Variants in SLC39A11 observed in about 807,000 individuals in gnomAD.
SLC39A11 encodes zinc transporter ZIP11.
Under a neutral mutation model 36.1 loss-of-function variants are expected in SLC39A11, and 33 were observed. The ratio of observed to expected loss-of-function variants is 0.91; its 90% CI spans 0.69 to 1.22. The LOEUF (loss-of-function observed/expected upper bound fraction) is 1.22. Ranked by LOEUF, SLC39A11 falls within the 50% of genes most tolerant of loss-of-function variation. SLC39A11 has a pLI of 0.00. For missense variants in SLC39A11, 432 were observed against 430.3 expected, an observed-to-expected ratio of 1.00 and a Z score of -0.03; for synonymous variants, 166 against 170.3, an observed-to-expected ratio of 0.97 and a Z score of 0.20.
intron 6 of SLC39A11, among the ~76,000 whole-genome samples, chr17:72,818,210 T>C (rs2077646483): frequency 1.3e-5 from 2 of 152,192 alleles, no homozygotes; most frequent in Non-Finnish European, 2.9e-5. Context: ...CTGTGTCTTC[T>C]TTTGTCCAGC....
intron 4 of SLC39A11, among the ~76,000 whole-genome samples, chr17:72,967,202 T>C (rs1441669801): frequency 6.6e-6 from 1 of 152,158 alleles, no homozygotes; most frequent in Non-Finnish European, 1.5e-5. Context: ...TGTAATATGC[T>C]TGAATCATCC....
intron 3 of SLC39A11, chr17:73,067,923 A>C: frequency 6.2e-7 from 1 of 1,606,562 alleles, no homozygotes; most frequent in African/African-American, 1.3e-5. Context: ...TCACTGCCAA[A>C]ACACTCAGAG....
chr17:73,033,830 C>T (rs1336659653), intron 3 of SLC39A11, among the ~76,000 whole-genome samples: 3 of 152,162 alleles, frequency 2.0e-5, no homozygotes, highest in African/African-American at 7.2e-5. Context: ...ATTACAACAG[C>T]AACAATAAAG....
chr17:72,964,475 A>G (rs2086824075), intron 4 of SLC39A11, among the ~76,000 whole-genome samples: 1 of 152,258 alleles, frequency 6.6e-6, no homozygotes. Context: ...ACAGGCATAA[A>G]ACTATTATCA....
At chr17:72,803,508 A>T (rs1344927488) in intron 6 of SLC39A11, among the ~76,000 whole-genome samples, 1 of 152,198 alleles carries the variant, frequency 6.6e-6, no homozygotes, top group Non-Finnish European at 1.5e-5. Context: ...GGCTGTGTGG[A>T]CCATTGAGCT....
At chr17:72,665,229 A>G (rs1045027860) in intron 7 of SLC39A11, among the ~76,000 whole-genome samples, 5 of 152,046 alleles carry the variant, frequency 3.3e-5, no homozygotes, top group Non-Finnish European at 7.4e-5. Flanking sequence ...CTTCAGCCCC[A>G]GTCAAGACTT....
chr17:72,830,654 T>C (rs375177691), intron 6 of SLC39A11, among the ~76,000 whole-genome samples: 2 of 152,094 alleles, frequency 1.3e-5, no homozygotes, highest in East Asian at 1.9e-4. Context: ...CCAGTGCTTA[T>C]CCTGAGTCTT....
Position 73,002,464 on chromosome 17 carries a change from A to T in SLC39A11, c.306+29092T>A, listed in dbSNP as rs150168240. Among the ~76,000 whole-genome samples, 730 of 152,294 alleles carry T rather than the reference A, an allele frequency of 4.8e-3. 4 individuals are homozygous for T. Among genetic ancestry groups the T allele is most frequent in the African/African-American group, 0.016 (676 of 41,576 alleles). ...GTCAGGGATCAAACTCTTACTTAAC[A>T]TGTGCAAATGTTACTGTTCTATTTT... On this transcript the variant is annotated intron_variant, in intron 4 of 9. Coordinates refer to ENST00000255559, the MANE Select transcript of SLC39A11 (RefSeq NM_139177.4).
intron 4 of SLC39A11, among the ~76,000 whole-genome samples, chr17:72,996,623 C>T (rs1168311969): frequency 6.6e-6 from 1 of 152,180 alleles, no homozygotes; most frequent in African/African-American, 2.4e-5. Context: ...CTTTGCTTCC[C>T]TTGTCTCTTC....
At chr17:72,649,314 G>A (rs943165708) in intron 7 of SLC39A11, 46 bp from the exon 8 acceptor site, 6 of 1,564,924 alleles carry the variant, frequency 3.8e-6, no homozygotes, top group Non-Finnish European at 4.4e-6. Context: ...TGGAATAGGT[G>A]CTCACACAAT....
At chr17:72,905,960 A>C (rs951148249) in intron 5 of SLC39A11, among the ~76,000 whole-genome samples, 3 of 152,108 alleles carry the variant, frequency 2.0e-5, no homozygotes, top group Admixed American at 6.6e-5. Flanking sequence ...TCACTGTGTT[A>C]GCCAGGATGG....
chr17:73,000,477 G>A (rs2089760137), intron 4 of SLC39A11, among the ~76,000 whole-genome samples: 1 of 152,164 alleles, frequency 6.6e-6, no homozygotes. Context: ...GGCCTCTGGT[G>A]CTGCATGGCC....
At chr17:72,957,571 C>T (rs2086325379) in intron 4 of SLC39A11, among the ~76,000 whole-genome samples, 1 of 152,240 alleles carries the variant, frequency 6.6e-6, no homozygotes, top group African/African-American at 2.4e-5. Context: ...GTAATCCCAG[C>T]ACTTTGGGAG....
intron 5 of SLC39A11, among the ~76,000 whole-genome samples, chr17:72,917,084 T>A (rs1360296946): frequency 6.6e-6 from 1 of 152,156 alleles, no homozygotes; most frequent in African/African-American, 2.4e-5. Context: ...CACCGCTTGG[T>A]AAAAGGACAC....
chr17:72,691,405 T>C (rs890467881), intron 7 of SLC39A11, among the ~76,000 whole-genome samples: 1 of 151,822 alleles, frequency 6.6e-6, no homozygotes, highest in African/African-American at 2.4e-5. Flanking sequence ...AAAAAAAAAA[T>C]GGTTAGCCAG....
At chr17:72,697,586 A>G (rs755889598) in intron 7 of SLC39A11, among the ~76,000 whole-genome samples, 1 of 152,144 alleles carries the variant, frequency 6.6e-6, no homozygotes, top group African/African-American at 2.4e-5. Context: ...GTTCCAAACA[A>G]TGAGCTCGCT....
chr17:72,691,396 A>T (rs1051815763), intron 7 of SLC39A11, among the ~76,000 whole-genome samples: 10 of 145,452 alleles, frequency 6.9e-5, no homozygotes, highest in South Asian at 4.3e-4. Flanking sequence ...CATGTATATA[A>T]AAAAAAAATG....
At chr17:73,068,190 G>C in intron 3 of SLC39A11, 1 of 1,187,042 alleles carries the variant, frequency 8.4e-7, no homozygotes, top group Admixed American at 2.1e-5. Context: ...GAAGACGGGG[G>C]CTCCAGAGTG....
At chr17:72,967,457 G>C (rs933874425) in intron 4 of SLC39A11, among the ~76,000 whole-genome samples, 2 of 150,514 alleles carry the variant, frequency 1.3e-5, no homozygotes, top group Admixed American at 6.7e-5. Context: ...AGCATATCCT[G>C]GGAGCCATCC....
Sources: allele counts gnomAD v4.1 joint callset (sites outside exome capture counted in the v4.1 genomes callset), GRCh38; gene constraint gnomAD v4.1.1; transcripts MANE v1.5; gene names NCBI Gene and HGNC (gene_info 2026-07-23, HGNC 2026-07-21).